Variants in HCN1 observed in about 807,000 individuals in gnomAD.
HCN1 encodes potassium/sodium hyperpolarization-activated cyclic nucleotide-gated channel 1.
In HCN1, 13 loss-of-function variants were observed where a neutral mutation model predicts 78.9. The observed-to-expected ratio is 0.16, with a 90% CI of 0.11 to 0.26. The LOEUF (loss-of-function observed/expected upper bound fraction) is 0.26. Ranked by LOEUF, HCN1 falls within the 10% of genes least tolerant of loss-of-function variation. The pLI is 1.00. For synonymous variants in HCN1, 552 were observed against 455.5 expected, an observed-to-expected ratio of 1.21 and a Z score of -2.70; for missense variants, 810 against 1,154.3, an observed-to-expected ratio of 0.70 and a Z score of 4.32.
At chr5:45,501,502 T>C (rs1742185531) in intron 2 of HCN1, among the ~76,000 whole-genome samples, 1 of 152,030 alleles carries the variant, frequency 6.6e-6, no homozygotes, top group African/African-American at 2.4e-5. Context: ...TGGCGTGACC[T>C]CGGCTCACTG....
At chr5:45,555,911 A>C (rs1743458708) in intron 2 of HCN1, among the ~76,000 whole-genome samples, 1 of 152,026 alleles carries the variant, frequency 6.6e-6, no homozygotes, top group Non-Finnish European at 1.5e-5. Flanking sequence ...CCACATGCCT[A>C]CAGTGAACTC....
chr5:45,614,119 T>C (rs1358146950), intron 2 of HCN1, among the ~76,000 whole-genome samples: 3 of 152,160 alleles, frequency 2.0e-5, no homozygotes, highest in Non-Finnish European at 4.4e-5. Context: ...ACATCTGTTG[T>C]TCATGTGATA....
chr5:45,312,448 A>G (rs926845206), intron 5 of HCN1, among the ~76,000 whole-genome samples: 1 of 152,166 alleles, frequency 6.6e-6, no homozygotes, highest in African/African-American at 2.4e-5. Flanking sequence ...AGCGACGCAG[A>G]AGACGGATGA....
chr5:45,598,194 C>G (rs767621675), intron 2 of HCN1, among the ~76,000 whole-genome samples: 25 of 152,310 alleles, frequency 1.6e-4, no homozygotes, highest in Non-Finnish European at 3.1e-4. Context: ...ACCAAAACAA[C>G]ATGGTACTGG....
chr5:45,639,652 T>C (rs547556973), intron 2 of HCN1, among the ~76,000 whole-genome samples: 2 of 152,344 alleles, frequency 1.3e-5, no homozygotes, highest in East Asian at 3.9e-4. Context: ...TCATATTTCA[T>C]TAACCGATAC....
intron 2 of HCN1, chr5:45,642,357 C>T (rs951973007): frequency 9.9e-5 from 15 of 151,660 alleles, no homozygotes; most frequent in African/African-American, 3.6e-4. Flanking sequence ...AACATAAGCA[C>T]AAAAATTTAA....
intron 1 of HCN1, among the ~76,000 whole-genome samples, chr5:45,693,284 TA>T (rs1193548389): frequency 1.2e-3 from 177 of 152,178 alleles, no homozygotes; most frequent in African/African-American, 4.2e-3. Flanking sequence ...GATGTAAATA[TA>T]TTCTGAATGT....
At chr5:45,634,531 T>C (rs1745325269) in intron 2 of HCN1, among the ~76,000 whole-genome samples, 1 of 151,988 alleles carries the variant, frequency 6.6e-6, no homozygotes, top group Admixed American at 6.6e-5. Context: ...CTATACATCA[T>C]CTAATATTAT....
chr5:45,297,130 T>C (rs1745512556), intron 6 of HCN1, among the ~76,000 whole-genome samples: 1 of 152,056 alleles, frequency 6.6e-6, no homozygotes, highest in African/African-American at 2.4e-5. Context: ...ATTAGCATTG[T>C]TTCTATAGAT....
intron 4 of HCN1, among the ~76,000 whole-genome samples, chr5:45,370,303 G>C (rs373479306): frequency 1.3e-5 from 2 of 151,914 alleles, no homozygotes; most frequent in South Asian, 2.1e-4. Context: ...GATGTTAACT[G>C]AAAAACTTGA....
intron 2 of HCN1, chr5:45,642,364 T>G (rs531230852): frequency 6.6e-6 from 1 of 152,068 alleles, no homozygotes. Context: ...GCACAAAAAT[T>G]TAAAGCTTCT....
At chr5:45,643,851 A>G (rs1745499565) in intron 2 of HCN1, 1 of 152,182 alleles carries the variant, frequency 6.6e-6, no homozygotes, top group African/African-American at 2.4e-5. Context: ...ATTAATCTCA[A>G]ATTAGCATAA....
At chr5:45,385,843 C>G (rs951784189) in intron 4 of HCN1, among the ~76,000 whole-genome samples, 6 of 152,180 alleles carry the variant, frequency 3.9e-5, no homozygotes, top group African/African-American at 1.4e-4. Context: ...TGGCTGGACA[C>G]AGCCGTTGTG....
At chr5:45,452,013 T>C (rs1227192651) in intron 3 of HCN1, among the ~76,000 whole-genome samples, 1 of 152,164 alleles carries the variant, frequency 6.6e-6, no homozygotes, top group South Asian at 2.1e-4. Context: ...ACCATTTTAA[T>C]TGACTTTATG....
intron 2 of HCN1, among the ~76,000 whole-genome samples, chr5:45,580,972 A>G (rs1744056731): frequency 6.6e-6 from 1 of 152,156 alleles, no homozygotes; most frequent in South Asian, 2.1e-4. Context: ...AGTCTTTGCT[A>G]TTGTGAATAG....
intron 2 of HCN1, among the ~76,000 whole-genome samples, chr5:45,531,057 T>C (rs369451404): frequency 0.098 from 14,108 of 144,286 alleles, 919 homozygotes; most frequent in Middle Eastern, 0.18. Context: ...CTAACACACA[T>C]ACACACACAC....
intron 4 of HCN1, among the ~76,000 whole-genome samples, chr5:45,395,729 G>A (rs1003621789): frequency 3.3e-5 from 5 of 152,006 alleles, no homozygotes; most frequent in East Asian, 1.9e-4. Context: ...ATTACACATT[G>A]TTCCATTAAT....
intron 2 of HCN1, chr5:45,560,088 G>A (rs1172021799): frequency 1.3e-5 from 2 of 152,086 alleles, no homozygotes; most frequent in African/African-American, 4.8e-5. Flanking sequence ...ATAGTTTATA[G>A]TATAGTGTAC....
At chr5:45,466,330 T>C (rs1446478213) in intron 2 of HCN1, among the ~76,000 whole-genome samples, 1 of 152,204 alleles carries the variant, frequency 6.6e-6, no homozygotes, top group African/African-American at 2.4e-5. Flanking sequence ...CTATCAAAAA[T>C]AATTGAAGAC....
Sources: gnomAD v4.1 joint callset for allele counts (sites outside exome capture counted in the v4.1 genomes callset) on GRCh38, gnomAD v4.1.1 for gene constraint, MANE v1.5 for transcripts, NCBI Gene and HGNC (gene_info 2026-07-23, HGNC 2026-07-21) for gene names.